Variants in DLGAP2 observed in about 807,000 individuals in gnomAD.
DLGAP2 encodes disks large-associated protein 2.
A neutral mutation model predicts 100.3 loss-of-function variants in DLGAP2; 26 were observed. That is an observed-to-expected ratio of 0.26 (90% CI 0.19 to 0.36). The LOEUF (loss-of-function observed/expected upper bound fraction) is 0.36. Among genes scored for constraint, DLGAP2 ranks in the 10% least tolerant of loss-of-function variants. The probability of loss-of-function intolerance (pLI) is 1.00; values close to 1 mark genes in which losing one functional copy is unlikely to be tolerated. For missense variants in DLGAP2, 1,858 were observed against 1,453.2 expected, an observed-to-expected ratio of 1.28 and a Z score of -4.53; for synonymous variants, 886 against 630.1, an observed-to-expected ratio of 1.41 and a Z score of -6.08.
intron 6 of DLGAP2, among the ~76,000 whole-genome samples, chr8:1,577,494 G>C (rs1243474596): frequency 1.3e-5 from 2 of 150,978 alleles, no homozygotes; most frequent in African/African-American, 4.9e-5. Flanking sequence ...CTTGAACCCG[G>C]GAGGCGGAGG....
At chr8:1,282,682 G>C (rs1307184249) in intron 3 of DLGAP2, among the ~76,000 whole-genome samples, 1 of 133,658 alleles carries the variant, frequency 7.5e-6, no homozygotes, top group African/African-American at 2.7e-5. Flanking sequence ...CCTGAACCCA[G>C]CGCATGAACC....
At chr8:797,959 C>T (rs896291042) in intron 1 of DLGAP2, among the ~76,000 whole-genome samples, 5 of 152,044 alleles carry the variant, frequency 3.3e-5, no homozygotes, top group Non-Finnish European at 7.4e-5. Flanking sequence ...ATCATGTTGG[C>T]CAGGCTGGTC....
chr8:1,049,072 G>A (rs1319263493), intron 2 of DLGAP2, among the ~76,000 whole-genome samples: 3 of 152,170 alleles, frequency 2.0e-5, no homozygotes, highest in South Asian at 2.1e-4. Context: ...GTTACTTCCC[G>A]TTTAGCCTGC....
chr8:1,604,298 C>CTAGG (rs1204185477), intron 6 of DLGAP2, among the ~76,000 whole-genome samples: 5 of 152,280 alleles, frequency 3.3e-5, no homozygotes, highest in African/African-American at 1.2e-4. Flanking sequence ...AGATGTTTCA[C>CTAGG]TAGGGTGTTC....
At chr8:1,054,272 A>G (rs888977290) in intron 2 of DLGAP2, among the ~76,000 whole-genome samples, 1 of 151,784 alleles carries the variant, frequency 6.6e-6, no homozygotes, top group African/African-American at 2.4e-5. Flanking sequence ...ACACACACGG[A>G]CACACACGCA....
At chr8:964,588 G>A (rs567962502) in intron 2 of DLGAP2, among the ~76,000 whole-genome samples, 1 of 152,378 alleles carries the variant, frequency 6.6e-6, no homozygotes, top group African/African-American at 2.4e-5. Context: ...CCCCACGCGG[G>A]AAGCCAGAGA....
intron 3 of DLGAP2, among the ~76,000 whole-genome samples, chr8:1,452,938 A>T (rs1798202652): frequency 6.6e-6 from 1 of 152,178 alleles, no homozygotes; most frequent in African/African-American, 2.4e-5. Flanking sequence ...GCAGTGGATC[A>T]TGGGGGTTTG....
Position 1,185,754 on chromosome 8 carries a change from C to A in DLGAP2, c.74-73097C>A, listed in dbSNP as rs577919985. ...ACACTCACACACACACACTCACACA[C>A]ATTCAGGAGATCCAGTCAGCAGTGC... On this transcript the variant is annotated intron_variant, in intron 2 of 14. Transcript: ENST00000637795. Among the ~76,000 whole-genome samples the A allele has an allele frequency of 3.3e-5, 5 of 151,658 alleles. No individual in the cohort carries two copies. The East Asian group carries it at 9.7e-4, about 29-fold the overall frequency.
intron 3 of DLGAP2, among the ~76,000 whole-genome samples, chr8:1,291,361 G>C (rs571435970): frequency 6.6e-6 from 1 of 152,212 alleles, no homozygotes; most frequent in East Asian, 1.9e-4. Flanking sequence ...AGCAGGAGTA[G>C]CTATTTTTCT....
At chr8:1,012,610 G>GC (rs1237635895) in intron 2 of DLGAP2, among the ~76,000 whole-genome samples, 2 of 89,226 alleles carry the variant, frequency 2.2e-5, no homozygotes, top group Admixed American at 1.7e-4. Context: ...CGTCTGACCG[G>GC]CCCCCCCGAC....
intron 2 of DLGAP2, among the ~76,000 whole-genome samples, chr8:1,024,343 G>A (rs1007954008): frequency 4.4e-5 from 6 of 136,100 alleles, no homozygotes; most frequent in South Asian, 4.6e-4. Flanking sequence ...CCCTCCCTGG[G>A]GGTGGACAGT....
At chr8:1,009,328 T>G (rs1217742310) in intron 2 of DLGAP2, among the ~76,000 whole-genome samples, 1 of 152,232 alleles carries the variant, frequency 6.6e-6, no homozygotes, top group East Asian at 1.9e-4. Context: ...GAACATTTCA[T>G]AGATGTCATA....
At chr8:1,067,951 G>A (rs185809205) in intron 2 of DLGAP2, among the ~76,000 whole-genome samples, 1 of 151,950 alleles carries the variant, frequency 6.6e-6, no homozygotes, top group African/African-American at 2.4e-5. Context: ...CCTCTGCTCC[G>A]CCCACTCCTC....
At chr8:963,353 G>T (rs959503136) in intron 2 of DLGAP2, among the ~76,000 whole-genome samples, 2 of 152,130 alleles carry the variant, frequency 1.3e-5, no homozygotes, top group African/African-American at 2.4e-5. Flanking sequence ...TGGAGTGGAC[G>T]TATTTTGGAA....
At chr8:787,943 C>G (rs143516046) in intron 1 of DLGAP2, among the ~76,000 whole-genome samples, 3 of 152,226 alleles carry the variant, frequency 2.0e-5, no homozygotes, top group East Asian at 1.9e-4. Flanking sequence ...TGGTGGCATT[C>G]CAGGTCTGGC....
chr8:1,682,096 C>T (rs955969570), intron 12 of DLGAP2, among the ~76,000 whole-genome samples: 2 of 152,210 alleles, frequency 1.3e-5, no homozygotes, highest in Non-Finnish European at 2.9e-5. Flanking sequence ...TGCATCCCAT[C>T]CTTTCACCTG....
rs778064072 is a variant in DLGAP2 at position 1,549,199 on chromosome 8, C to T, written c.746C>T (p.Ser249Phe). ...LFTKSHSLEG[S>F]SKSNANGTKA... ...ACCAAGTCGCACTCGCTGGAGGGCT[C>T]CTCCAAAAGCAACGCCAACGGCACC... is the stretch of plus-strand genomic sequence containing the variant. The change falls in exon 5 of 15, where the codon TCC (serine) becomes TTC (phenylalanine). Residue 249 changes from serine (S) to phenylalanine (F), a missense_variant. Transcript: ENST00000637795. 3.7e-6 allele frequency: 6 copies of T among 1,601,214 alleles called. No homozygotes were observed. The highest frequency in any genetic ancestry group is 2.3e-5 in the East Asian group (1 of 44,180).
At chr8:795,162 G>A (rs1405792378) in intron 1 of DLGAP2, among the ~76,000 whole-genome samples, 6 of 152,200 alleles carry the variant, frequency 3.9e-5, no homozygotes, top group Non-Finnish European at 8.8e-5. Context: ...TGAAGTCACC[G>A]TGAACACTGA....
At chr8:1,596,167 C>A (rs1219498943) in intron 6 of DLGAP2, among the ~76,000 whole-genome samples, 1 of 152,068 alleles carries the variant, frequency 6.6e-6, no homozygotes, top group Non-Finnish European at 1.5e-5. Context: ...ATGATGGTTT[C>A]CAGCTTCATC....
Sources: allele counts gnomAD v4.1 joint callset (sites outside exome capture counted in the v4.1 genomes callset), GRCh38; gene constraint gnomAD v4.1.1; transcripts MANE v1.5; gene names NCBI Gene and HGNC (gene_info 2026-07-23, HGNC 2026-07-21).